C10orf90: variants seen among roughly 807,000 people sequenced by gnomAD.
C10orf90 encodes chromosome 10 open reading frame 90.
C10orf90 carries 56 observed loss-of-function variants against 62.5 expected under a neutral mutation model. The ratio of observed to expected loss-of-function variants is 0.90; its 90% CI spans 0.72 to 1.12. C10orf90 has a LOEUF of 1.12. Among genes scored for constraint, C10orf90 ranks in the 50% most tolerant of loss-of-function variants. The pLI, the probability that C10orf90 is intolerant of heterozygous loss-of-function variation, is 0.00. For synonymous variants in C10orf90, 386 were observed against 340.4 expected (o/e 1.13, Z -1.47); for missense variants, 970 against 880.4 (o/e 1.10, Z -1.29).
chr10:126,579,071 TAAA>T (rs145344173), intron 2 of C10orf90, among the ~76,000 whole-genome samples: 26 of 142,440 alleles, frequency 1.8e-4, no homozygotes, highest in Admixed American at 7.7e-4. Context: ...AGTTTTTTTT[TAAA>T]AAAAAAAACC....
At chr10:126,580,528 C>A (rs934367994) in intron 2 of C10orf90, among the ~76,000 whole-genome samples, 2 of 151,940 alleles carry the variant, frequency 1.3e-5, no homozygotes, top group African/African-American at 4.8e-5. Flanking sequence ...TGGTGGGCGC[C>A]TGTAGTCCCA....
chr10:126,554,513 G>A (rs760698759), intron 2 of C10orf90, among the ~76,000 whole-genome samples: 1 of 152,170 alleles, frequency 6.6e-6, no homozygotes, highest in Non-Finnish European at 1.5e-5. Context: ...AGCCACATTT[G>A]TGTAGTTTGC....
At chr10:126,576,164 C>A (rs1844607268) in intron 2 of C10orf90, among the ~76,000 whole-genome samples, 2 of 152,050 alleles carry the variant, frequency 1.3e-5, no homozygotes, top group Non-Finnish European at 2.9e-5. Flanking sequence ...AAAATACTTG[C>A]AAACTATTCA....
chr10:126,562,114 C>T (rs192665264), intron 2 of C10orf90, among the ~76,000 whole-genome samples: 26 of 152,278 alleles, frequency 1.7e-4, no homozygotes, highest in African/African-American at 6.3e-4. Context: ...CCACTGCAGG[C>T]CCAGCAGCTT....
At chr10:126,437,230 A>G (rs768571231) in intron 7 of C10orf90, among the ~76,000 whole-genome samples, 1 of 152,224 alleles carries the variant, frequency 6.6e-6, no homozygotes, top group Non-Finnish European at 1.5e-5. Context: ...TATTCTCTGC[A>G]AAAGATATAA....
intron 1 of C10orf90, among the ~76,000 whole-genome samples, chr10:126,656,437 C>T (rs1846395717): frequency 6.6e-6 from 1 of 152,104 alleles, no homozygotes; most frequent in African/African-American, 2.4e-5. Context: ...AGCTAAGAGT[C>T]CATGAAAAAT....
At chr10:126,507,500 C>CAA (rs775464275) in intron 3 of C10orf90, among the ~76,000 whole-genome samples, 14,746 of 114,006 alleles carry the variant, frequency 0.13, 785 homozygotes, top group East Asian at 0.17. Flanking sequence ...TACTTTTTTC[C>CAA]AAAAAAAAAA....
At chr10:126,435,157 G>C (rs1857837024) in intron 7 of C10orf90, among the ~76,000 whole-genome samples, 1 of 152,202 alleles carries the variant, frequency 6.6e-6, no homozygotes, top group Non-Finnish European at 1.5e-5. Flanking sequence ...TGTTGGTATT[G>C]ATATGAAAGT....
intron 2 of C10orf90, among the ~76,000 whole-genome samples, chr10:126,536,439 T>C (rs928740268): frequency 1.3e-5 from 2 of 152,198 alleles, no homozygotes; most frequent in African/African-American, 2.4e-5. Context: ...GGACCTCAGA[T>C]GGATCATCCC....
At chr10:126,470,749 C>CAA (rs201564373) in intron 4 of C10orf90, among the ~76,000 whole-genome samples, 13 of 82,460 alleles carry the variant, frequency 1.6e-4, no homozygotes, top group South Asian at 4.1e-4. Context: ...GACTCTGTCT[C>CAA]AAAAAAAAAA....
At chr10:126,507,685 A>C (rs1862836696) in intron 3 of C10orf90, among the ~76,000 whole-genome samples, 1 of 152,082 alleles carries the variant, frequency 6.6e-6, no homozygotes, top group South Asian at 2.1e-4. Context: ...CCCAGGGTTC[A>C]TCAGTCACCT....
intron 4 of C10orf90, among the ~76,000 whole-genome samples, chr10:126,498,149 C>T (rs764106985): frequency 4.6e-5 from 7 of 152,160 alleles, no homozygotes; most frequent in South Asian, 2.1e-4. Context: ...AAAGGCTTTG[C>T]GTCTAGTGGT....
chr10:126,449,532 G>A (rs573985231), intron 7 of C10orf90, among the ~76,000 whole-genome samples: 51 of 152,188 alleles, frequency 3.4e-4, no homozygotes, highest in African/African-American at 1.2e-3. Flanking sequence ...GGAAGTCCTA[G>A]CTATGGCAAT....
Position 126,512,924 on chromosome 10 carries a change from T to C in C10orf90, c.405+924A>G, listed in dbSNP as rs17760938. On this transcript the variant is annotated intron_variant, in intron 3 of 9. Coordinates refer to ENST00000488181, the MANE Select transcript of C10orf90 (RefSeq NM_001350921.2). ...GAAGGAAATGTTGAGCTTTATTAAA[T>C]ACGGAGCTAAATCAAAGTAATACCT... Among the ~76,000 whole-genome samples the C allele has an allele frequency of 9.1e-3, 1,383 of 152,294 alleles. 8 individuals are homozygous for C. The highest frequency in any genetic ancestry group is 0.022 in the South Asian group (106 of 4,822).
At chr10:126,471,352 T>C (rs1378366735) in intron 4 of C10orf90, among the ~76,000 whole-genome samples, 1 of 152,214 alleles carries the variant, frequency 6.6e-6, no homozygotes, top group Non-Finnish European at 1.5e-5. Context: ...TTCTAGACAG[T>C]AAGCAGATTT....
intron 2 of C10orf90, among the ~76,000 whole-genome samples, chr10:126,585,450 A>T (rs1844848036): frequency 6.6e-6 from 1 of 150,614 alleles, no homozygotes; most frequent in East Asian, 2.0e-4. Flanking sequence ...GAAGGAAAGG[A>T]GGGAAGAAGG....
At chr10:126,565,100 TATATAA>T (rs1844314721) in intron 2 of C10orf90, among the ~76,000 whole-genome samples, 1 of 36,844 alleles carries the variant, frequency 2.7e-5, no homozygotes, top group East Asian at 1.0e-3. Flanking sequence ...TATTATATAA[TATATAA>T]AATATATATT....
At chr10:126,542,625 T>C (rs1864403879) in intron 2 of C10orf90, among the ~76,000 whole-genome samples, 1 of 152,198 alleles carries the variant, frequency 6.6e-6, no homozygotes, top group Non-Finnish European at 1.5e-5. Context: ...TTTAAAACAG[T>C]TAATTTCGTA....
At chr10:126,572,795 TG>T (rs1844533598) in intron 2 of C10orf90, among the ~76,000 whole-genome samples, 1 of 152,118 alleles carries the variant, frequency 6.6e-6, no homozygotes. Flanking sequence ...GGAGTTGCTA[TG>T]GTTCACATGC....
Sources: gnomAD v4.1 joint callset for allele counts (sites outside exome capture counted in the v4.1 genomes callset) on GRCh38, gnomAD v4.1.1 for gene constraint, MANE v1.5 for transcripts, NCBI Gene and HGNC (gene_info 2026-07-23, HGNC 2026-07-21) for gene names.